PPM1L: variants seen among roughly 807,000 people sequenced by gnomAD.
PPM1L encodes the protein protein phosphatase 1L.
PPM1L carries 13 observed loss-of-function variants against 31.4 expected under a neutral mutation model. The observed-to-expected ratio is 0.41, with a 90% confidence interval of 0.27 to 0.66. The LOEUF is 0.66. Among genes scored for constraint, PPM1L ranks in the 30% least tolerant of loss-of-function variants. The pLI is 0.29. For missense variants in PPM1L, 326 were observed against 453.7 expected (o/e 0.72, Z 2.56); for synonymous variants, 184 against 175.4 (o/e 1.05, Z -0.39).
chr3:161,055,392 G>A (rs1208181647), intron 2 of PPM1L, among the ~76,000 whole-genome samples: 2 of 151,990 alleles, frequency 1.3e-5, no homozygotes, highest in Non-Finnish European at 2.9e-5. Flanking sequence ...TGGAAGGTGG[G>A]GGCTGGAAAC....
At chr3:160,879,633 G>T (rs1472804010) in intron 1 of PPM1L, among the ~76,000 whole-genome samples, 2 of 152,154 alleles carry the variant, frequency 1.3e-5, no homozygotes, top group African/African-American at 2.4e-5. Flanking sequence ...GTGACATATG[G>T]TTAAAAGCCA....
At chr3:160,817,540 C>T (rs933891657) in intron 1 of PPM1L, among the ~76,000 whole-genome samples, 16 of 152,070 alleles carry the variant, frequency 1.1e-4, no homozygotes, top group Non-Finnish European at 2.2e-4. Flanking sequence ...ATTCTAGCAA[C>T]GTGGGAAATC....
At chr3:160,785,576 T>C (rs1367335685) in intron 1 of PPM1L, among the ~76,000 whole-genome samples, 2 of 152,206 alleles carry the variant, frequency 1.3e-5, no homozygotes, top group Non-Finnish European at 2.9e-5. Flanking sequence ...TGTGCAAATA[T>C]ATCTATGTGA....
At chr3:161,068,643 G>A (rs142687429) in intron 3 of PPM1L, among the ~76,000 whole-genome samples, 168 bp from the exon 4 acceptor site, 131 of 152,304 alleles carry the variant, frequency 8.6e-4, no homozygotes, top group Non-Finnish European at 1.7e-3. Flanking sequence ...AACTGGTAGA[G>A]TATAAAACCC....
At chr3:160,871,670 G>A (rs1299075331) in intron 1 of PPM1L, among the ~76,000 whole-genome samples, 1 of 152,060 alleles carries the variant, frequency 6.6e-6, no homozygotes, top group Non-Finnish European at 1.5e-5. Context: ...GTTATTTCCA[G>A]TTCTAAGATT....
intron 2 of PPM1L, among the ~76,000 whole-genome samples, chr3:161,001,572 C>G (rs560861907): frequency 1.1e-4 from 16 of 152,228 alleles, no homozygotes; most frequent in African/African-American, 3.9e-4. Context: ...ACAAAACTAC[C>G]TTTTCTCAAT....
At chr3:160,982,396 G>T (rs1716829413) in intron 2 of PPM1L, among the ~76,000 whole-genome samples, 2 of 151,794 alleles carry the variant, frequency 1.3e-5, no homozygotes, top group Admixed American at 1.3e-4. Flanking sequence ...TGACTCTCTG[G>T]ATAGCAAGAA....
Position 160,825,289 on chromosome 3 carries a change from T to G in PPM1L, c.399+68582T>G, listed in dbSNP as rs149332813. 3.6e-4 allele frequency among the ~76,000 whole-genome samples: 55 copies of G among 152,226 alleles called. 1 individual carries two copies. In the East Asian group the frequency reaches 0.01, roughly 28 times the overall value. On this transcript the variant is annotated intron_variant, in intron 1 of 3. Transcript: ENST00000498165. ...CCGTAAGGTGTCAAAAATCTGTCAA[T>G]AACAATATTATTAATAATATTAACA...
At chr3:160,851,156 T>G (rs1361915512) in intron 1 of PPM1L, among the ~76,000 whole-genome samples, 1 of 152,186 alleles carries the variant, frequency 6.6e-6, no homozygotes, top group East Asian at 1.9e-4. Context: ...GTTTCTTTTT[T>G]AAACAGGATT....
intron 1 of PPM1L, among the ~76,000 whole-genome samples, chr3:160,938,874 A>G (rs1715066516): frequency 6.6e-6 from 1 of 152,282 alleles, no homozygotes; most frequent in East Asian, 1.9e-4. Flanking sequence ...GCATTTTACT[A>G]TGGAACAGAA....
At chr3:161,049,874 A>G (rs1206946596) in intron 2 of PPM1L, among the ~76,000 whole-genome samples, 1 of 152,204 alleles carries the variant, frequency 6.6e-6, no homozygotes, top group Non-Finnish European at 1.5e-5. Flanking sequence ...AATTGCCCAT[A>G]GCAGAAACAG....
chr3:160,769,789 A>G (rs370611227), intron 1 of PPM1L, among the ~76,000 whole-genome samples: 2 of 152,032 alleles, frequency 1.3e-5, no homozygotes, highest in African/African-American at 4.8e-5. Flanking sequence ...TAATTATTAG[A>G]TATTGTAAGT....
intron 1 of PPM1L, among the ~76,000 whole-genome samples, chr3:160,798,654 C>A (rs1416154836): frequency 1.3e-5 from 2 of 152,184 alleles, no homozygotes. Flanking sequence ...CACCTAGTCA[C>A]CCAAGAGCTC....
rs534101818 is a variant in PPM1L at position 160,949,745 on chromosome 3, G to A, written c.400-11991G>A. On this transcript the variant is annotated intron_variant, in intron 1 of 3. Transcript: ENST00000498165. ...TCATAAACTAGTGGGAAGGCAAATA[G>A]GTGACTAGATAGAGACACTTTGAAG... Among the ~76,000 whole-genome samples, 6 of 152,302 alleles carry A rather than the reference G, an allele frequency of 3.9e-5. No individual in the cohort carries two copies. The East Asian group carries it at 1.2e-3, about 29-fold the overall frequency.
At chr3:161,068,704 A>G (rs2108112830) in intron 3 of PPM1L, 107 bp from the exon 4 acceptor site, 1 of 878,632 alleles carries the variant, frequency 1.1e-6, no homozygotes, top group South Asian at 1.8e-5. Flanking sequence ...GAGTGCCCAC[A>G]GCCCAGTTCA....
At chr3:160,985,694 T>G (rs541246018) in intron 2 of PPM1L, among the ~76,000 whole-genome samples, 1 of 152,304 alleles carries the variant, frequency 6.6e-6, no homozygotes, top group Non-Finnish European at 1.5e-5. Flanking sequence ...GAAGATGTCT[T>G]ATGTATCTTT....
intron 1 of PPM1L, among the ~76,000 whole-genome samples, chr3:160,757,750 C>T (rs770120585): frequency 3.9e-5 from 6 of 152,198 alleles, no homozygotes; most frequent in Non-Finnish European, 8.8e-5. Context: ...GCATACTTTT[C>T]TTATTCTTAA....
chr3:160,993,587 G>A (rs1215104740), intron 2 of PPM1L, among the ~76,000 whole-genome samples: 2 of 152,116 alleles, frequency 1.3e-5, no homozygotes, highest in Non-Finnish European at 2.9e-5. Context: ...GAATTGGGGA[G>A]CTTTATAGAA....
chr3:160,808,330 T>C, intron 1 of PPM1L, among the ~76,000 whole-genome samples: 2 of 141,322 alleles, frequency 1.4e-5, no homozygotes, highest in African/African-American at 5.8e-5. Flanking sequence ...TGCGTGCATG[T>C]GTGGTGGGTG....
Sources: allele counts gnomAD v4.1 joint callset (sites outside exome capture counted in the v4.1 genomes callset), GRCh38; gene constraint gnomAD v4.1.1; transcripts MANE v1.5; gene names NCBI Gene and HGNC (gene_info 2026-07-23, HGNC 2026-07-21).